Variants in EEA1 observed in about 807,000 individuals in gnomAD.
EEA1 encodes early endosome antigen 1.
In EEA1, 111 loss-of-function variants were observed where a neutral mutation model predicts 209.2. The ratio of observed to expected loss-of-function variants is 0.53; its 90% CI spans 0.45 to 0.62. EEA1 has a LOEUF of 0.62. EEA1 is among the 20% of genes least tolerant of loss of function. The probability of loss-of-function intolerance (pLI) is 0.00; values close to 1 mark genes in which losing one functional copy is unlikely to be tolerated. For missense variants in EEA1, 1,343 were observed against 1,530.8 expected, an observed-to-expected ratio of 0.88 and a Z score of 2.05; for synonymous variants, 536 against 540.6, an observed-to-expected ratio of 0.99 and a Z score of 0.12.
At chr12:92,875,892 C>G (rs1273468652) in intron 2 of EEA1, among the ~76,000 whole-genome samples, 1 of 152,130 alleles carries the variant, frequency 6.6e-6, no homozygotes, top group Non-Finnish European at 1.5e-5. Context: ...TGGAAAAATA[C>G]TTGCCCCAGA....
intron 2 of EEA1, 111 bp from the exon 3 acceptor site, chr12:92,865,098 A>G (rs1483050150): frequency 1.2e-6 from 1 of 808,002 alleles, no homozygotes; most frequent in Non-Finnish European, 1.8e-6. Flanking sequence ...TGGTGCCATT[A>G]GGTAAATTTT....
Position 92,773,604 on chromosome 12 carries a change from A to G in EEA1, c.*2407T>C, listed in dbSNP as rs1873521297. On this transcript the variant is annotated 3_prime_UTR_variant, in exon 29 of 29. Transcript: ENST00000322349. Reference sequence around the variant, plus strand: ...GTGCCGGGGTTTGGAATTTACTAACATTATGTCAATGTGCTTTTCATTAAA... The same window carrying G: ...GTGCCGGGGTTTGGAATTTACTAACGTTATGTCAATGTGCTTTTCATTAAA... 6.6e-6 allele frequency: 1 copy of G among 151,806 alleles called. No individual in the cohort carries two copies. Among genetic ancestry groups the G allele is most frequent in the Non-Finnish European group, 1.5e-5 (1 of 67,664 alleles). 9.4% of individuals were successfully genotyped at this position (151,806 alleles called of 1,614,324 possible). A position where few individuals can be genotyped will look rare whatever the true frequency, so the allele number is the denominator to read the frequency against.
At chr12:92,832,062 C>G (rs1005892812) in intron 11 of EEA1, among the ~76,000 whole-genome samples, 9 of 149,634 alleles carry the variant, frequency 6.0e-5, no homozygotes, top group African/African-American at 2.2e-4. Flanking sequence ...AGTCCGCAGT[C>G]CGGCCTGGGC....
chr12:92,786,467 A>G (rs1263600066), intron 22 of EEA1, among the ~76,000 whole-genome samples: 7 of 152,204 alleles, frequency 4.6e-5, no homozygotes. Flanking sequence ...AGATACATAG[A>G]TAGATACATA....
intron 23 of EEA1, 129 bp from the exon 24 acceptor site, chr12:92,780,540 C>T: frequency 1.7e-6 from 1 of 575,050 alleles, no homozygotes; most frequent in East Asian, 3.3e-5. Context: ...GGGCAAATTA[C>T]TTACCCTCTC....
At chr12:92,795,876 TTTAA>T (rs563131616) in intron 21 of EEA1, among the ~76,000 whole-genome samples, 15 of 152,362 alleles carry the variant, frequency 9.8e-5, no homozygotes, top group Middle Eastern at 3.4e-3. Context: ...TTCTTAACTC[TTTAA>T]TTATTGTTCT....
intron 22 of EEA1, among the ~76,000 whole-genome samples, chr12:92,784,587 C>T (rs1009901311): frequency 1.3e-5 from 2 of 152,082 alleles, no homozygotes; most frequent in African/African-American, 4.8e-5. Flanking sequence ...CTCACAAAAC[C>T]CAGTGACTGA....
At chr12:92,896,705 G>T (rs955695130) in intron 1 of EEA1, among the ~76,000 whole-genome samples, 4 of 152,058 alleles carry the variant, frequency 2.6e-5, no homozygotes, top group African/African-American at 7.2e-5. Flanking sequence ...CAGGAGGGAG[G>T]CAGGAGAATC....
chr12:92,842,585 A>C lies in EEA1; in HGVS notation c.799-4T>G, dbSNP rs1877215469. On this transcript the variant is annotated splice_polypyrimidine_tract_variant and splice_region_variant and intron_variant, in intron 9 of 28. Coordinates refer to ENST00000322349, the MANE Select transcript of EEA1 (RefSeq NM_003566.4). ...TCCTTAGCTGGCTTATTGTGGCCTA[A>C]CAAAACAAAACAAAACAAAAATTAA... The C allele has an allele frequency of 1.5e-6, 2 of 1,360,240 alleles. No individual in the cohort carries two copies. Among genetic ancestry groups the C allele is most frequent in the East Asian group, 2.3e-5 (1 of 42,746 alleles). 84.3% of individuals were successfully genotyped at this position (1,360,240 alleles called of 1,614,324 possible). A position where few individuals can be genotyped will look rare whatever the true frequency, so the allele number is the denominator to read the frequency against.
intron 1 of EEA1, among the ~76,000 whole-genome samples, chr12:92,926,186 T>G (rs1592783665): frequency 1.3e-5 from 2 of 152,040 alleles, no homozygotes; most frequent in Admixed American, 6.6e-5. Flanking sequence ...AGAGTCAGGG[T>G]TTCTCCATGT....
chr12:92,777,454 C>T (rs1050916595), intron 27 of EEA1, 89 bp downstream of exon 27: 17 of 1,368,386 alleles, frequency 1.2e-5, no homozygotes, highest in Non-Finnish European at 1.7e-5. Context: ...ATTTATAAAA[C>T]ATGAGATTTT....
chr12:92,816,308 T>A lies in EEA1; in HGVS notation c.1821A>T (p.Ala607=). The A allele has an allele frequency of 6.2e-7, 1 of 1,614,066 alleles. No individual in the cohort carries two copies. Among genetic ancestry groups the A allele is most frequent in the Non-Finnish European group, 8.5e-7 (1 of 1,179,924 alleles). The change falls in exon 15 of 29, where the codon GCA becomes GCT. Residue 607 remains alanine, a synonymous_variant. Coordinates refer to ENST00000322349, the MANE Select transcript of EEA1 (RefSeq NM_003566.4). ...CACGGTCTTGTGCAGCTCTAAGATG[T>A]GCCTTCTGCTCTTGTACCTGGTCAT... is the stretch of plus-strand genomic sequence containing the variant. ...NLHDQVQEQK[A]HLRAAQDRVL...
intron 13 of EEA1, among the ~76,000 whole-genome samples, chr12:92,823,753 C>CAA (rs1876168213): frequency 6.6e-6 from 1 of 152,108 alleles, no homozygotes; most frequent in African/African-American, 2.4e-5. Flanking sequence ...AACAAATAAC[C>CAA]ATGTTCAACT....
At chr12:92,883,017 A>T (rs985977962) in intron 2 of EEA1, among the ~76,000 whole-genome samples, 2 of 152,196 alleles carry the variant, frequency 1.3e-5, no homozygotes, top group African/African-American at 2.4e-5. Context: ...TGGCTGAACT[A>T]ATTTACATTC....
At chr12:92,783,929 A>G (rs1224484301) in intron 22 of EEA1, among the ~76,000 whole-genome samples, 1 of 152,008 alleles carries the variant, frequency 6.6e-6, no homozygotes, top group Non-Finnish European at 1.5e-5. Flanking sequence ...AAAAAAAAAG[A>G]AAGATGAAAT....
chr12:92,852,593 A>G (rs1357322454), intron 7 of EEA1, among the ~76,000 whole-genome samples: 1 of 152,156 alleles, frequency 6.6e-6, no homozygotes, highest in African/African-American at 2.4e-5. Flanking sequence ...ACCAAGTGTT[A>G]CATTTATACT....
intron 20 of EEA1, 28 bp from the exon 21 acceptor site, chr12:92,799,114 C>T (rs755029531): frequency 6.6e-7 from 1 of 1,525,260 alleles, no homozygotes; most frequent in South Asian, 1.3e-5. Flanking sequence ...TCTATTTAGC[C>T]TTCATTTGTT....
Position 92,811,330 on chromosome 12 carries a change from C to T in EEA1, c.2148G>A (p.Glu716=), listed in dbSNP as rs1173179560. 1.2e-6 allele frequency: 2 copies of T among 1,601,248 alleles called. No individual in the cohort carries two copies. Among genetic ancestry groups the T allele is most frequent in the Non-Finnish European group, 1.7e-6 (2 of 1,174,524 alleles). The change falls in exon 17 of 29, where the codon GAG becomes GAA. Residue 716 remains glutamate (E), a synonymous_variant. Transcript: ENST00000322349. ...QLESHLKEYK[E]KYLSLEQKTE... ...TTTTCTGTTCTAAAGAGAGGTATTT[C>T]TCTTTATATTCTTTAAGATGACTTT... is the stretch of plus-strand genomic sequence containing the variant.
At chr12:92,787,740 T>G in intron 22 of EEA1, 127 bp downstream of exon 22, 3 of 751,274 alleles carry the variant, frequency 4.0e-6, no homozygotes, top group Non-Finnish European at 5.6e-6. Context: ...AAATAACAAT[T>G]TAATAGAAAA....
Sources: gnomAD v4.1 joint callset for allele counts (sites outside exome capture counted in the v4.1 genomes callset) on GRCh38, gnomAD v4.1.1 for gene constraint, MANE v1.5 for transcripts, NCBI Gene and HGNC (gene_info 2026-07-23, HGNC 2026-07-21) for gene names.